Variants in CFAP58 observed in about 807,000 individuals in gnomAD.
CFAP58 encodes cilia- and flagella-associated protein 58.
A neutral mutation model predicts 119.5 loss-of-function variants in CFAP58; 88 were observed. The observed-to-expected ratio is 0.74, with a 90% CI of 0.62 to 0.88. CFAP58 has a LOEUF of 0.88. Ranked by LOEUF, CFAP58 falls within the 40% of genes least tolerant of loss-of-function variation. CFAP58 has a pLI of 0.00. For synonymous variants in CFAP58, 365 were observed against 366.3 expected (o/e 1.00, Z 0.04); for missense variants, 990 against 1,021.2 (o/e 0.97, Z 0.42).
intron 9 of CFAP58, among the ~76,000 whole-genome samples, chr10:104,385,097 G>A (rs1172795922): frequency 1.3e-5 from 2 of 152,102 alleles, no homozygotes; most frequent in African/African-American, 4.8e-5. Context: ...GCACAGGCAT[G>A]GGGTGGTGAG....
chr10:104,347,845 G>A, the CFAP58 span, among the ~76,000 whole-genome samples: 2 of 152,100 alleles, frequency 1.3e-5, no homozygotes, highest in South Asian at 4.1e-4. Flanking sequence ...ACAGGGCATC[G>A]GCCACCAAGG....
chr10:104,452,987 G>A (rs1432241385), intron 17 of CFAP58, among the ~76,000 whole-genome samples: 1 of 152,158 alleles, frequency 6.6e-6, no homozygotes, highest in East Asian at 1.9e-4. Flanking sequence ...TGCTGAGATG[G>A]TATAGACTGG....
At chr10:104,407,714 T>C (rs1238269105) in intron 15 of CFAP58, among the ~76,000 whole-genome samples, 1 of 152,208 alleles carries the variant, frequency 6.6e-6, no homozygotes. Context: ...TAATTAATTT[T>C]TTGAGACAGT....
At chr10:104,432,583 T>A in intron 15 of CFAP58, among the ~76,000 whole-genome samples, 3 of 152,032 alleles carry the variant, frequency 2.0e-5, no homozygotes, top group African/African-American at 7.2e-5. Context: ...GCCCACTACA[T>A]TCTCCGCCTC....
chr10:104,359,328 C>T (rs993739347), intron 2 of CFAP58, among the ~76,000 whole-genome samples: 4 of 152,126 alleles, frequency 2.6e-5, no homozygotes. Context: ...AGATACCATC[C>T]AGTTCAAATG....
chr10:104,443,513 C>T (rs1341301645), intron 15 of CFAP58, among the ~76,000 whole-genome samples: 1 of 152,218 alleles, frequency 6.6e-6, no homozygotes, highest in African/African-American at 2.4e-5. Flanking sequence ...TGAGCAGAAT[C>T]AATGCACTGG....
At chr10:104,391,467 A>G (rs2012038633) in intron 9 of CFAP58, among the ~76,000 whole-genome samples, 1 of 152,134 alleles carries the variant, frequency 6.6e-6, no homozygotes, top group Non-Finnish European at 1.5e-5. Context: ...ATTTAATCAG[A>G]TTTCTTCATG....
chr10:104,417,926 A>G (rs1472501537), intron 15 of CFAP58, among the ~76,000 whole-genome samples: 3 of 152,250 alleles, frequency 2.0e-5, no homozygotes, highest in Non-Finnish European at 4.4e-5. Context: ...TGGGTAAACT[A>G]TGGCCCACAG....
At chr10:104,357,968 C>CATATATGT (rs1320490810) in intron 1 of CFAP58, among the ~76,000 whole-genome samples, 1 of 104,604 alleles carries the variant, frequency 9.6e-6, no homozygotes, top group African/African-American at 6.4e-5. Context: ...CATATATGTA[C>CATATATGT]ACATATGTAC....
the CFAP58 span, among the ~76,000 whole-genome samples, chr10:104,342,331 G>A: frequency 6.6e-6 from 1 of 152,136 alleles, no homozygotes; most frequent in Non-Finnish European, 1.5e-5. Context: ...TAATCTCAAT[G>A]TTTTGATTTG....
At chr10:104,348,058 T>C in the CFAP58 span, among the ~76,000 whole-genome samples, 2 of 151,160 alleles carry the variant, frequency 1.3e-5, 1 homozygote, top group African/African-American at 4.9e-5. Flanking sequence ...ACTGGCTTCA[T>C]GTGGGTCAGG....
At chr10:104,454,062 T>A (rs2013237498) in intron 17 of CFAP58, among the ~76,000 whole-genome samples, 1 of 152,152 alleles carries the variant, frequency 6.6e-6, no homozygotes, top group Non-Finnish European at 1.5e-5. Context: ...GAATTAGTCA[T>A]TATAATTGAG....
At chr10:104,434,623 C>T (rs559332989) in intron 15 of CFAP58, among the ~76,000 whole-genome samples, 17 of 152,272 alleles carry the variant, frequency 1.1e-4, no homozygotes, top group Admixed American at 7.8e-4. Flanking sequence ...AGAGTCAGGG[C>T]GAGAAACTCA....
At chr10:104,450,804 C>A (rs1272092580) in intron 17 of CFAP58, among the ~76,000 whole-genome samples, 2 of 151,748 alleles carry the variant, frequency 1.3e-5, no homozygotes, top group African/African-American at 4.8e-5. Flanking sequence ...CTCAGCCTCC[C>A]AAAATGTTGA....
intron 1 of CFAP58, among the ~76,000 whole-genome samples, chr10:104,357,932 C>CACATATATGTACACATATAT (rs2014594929): frequency 9.3e-6 from 1 of 107,376 alleles, no homozygotes; most frequent in Admixed American, 8.3e-5. Flanking sequence ...TACACATATA[C>CACATATATGTACACATATAT]ACACATATAT....
intron 15 of CFAP58, among the ~76,000 whole-genome samples, chr10:104,421,657 G>A (rs992313022): frequency 2.6e-5 from 4 of 152,164 alleles, no homozygotes; most frequent in Admixed American, 6.5e-5. Flanking sequence ...TAGTGGATAC[G>A]ACTCTTGAAC....
intron 8 of CFAP58, among the ~76,000 whole-genome samples, chr10:104,377,428 C>T (rs914067): frequency 0.69 from 104,991 of 152,092 alleles, 37,872 homozygotes; most frequent in African/African-American, 0.92. Context: ...GGAGGGGTTA[C>T]GGCAGCTTGA....
chr10:104,349,183 G>A (rs571515843), upstream of CFAP58, among the ~76,000 whole-genome samples: 7 of 152,318 alleles, frequency 4.6e-5, no homozygotes, highest in South Asian at 1.4e-3. Flanking sequence ...GGGAGGCGGA[G>A]GTTGCAGTGA....
At chr10:104,402,383 A>G (rs1366894316) in intron 13 of CFAP58, among the ~76,000 whole-genome samples, 4 of 152,252 alleles carry the variant, frequency 2.6e-5, no homozygotes, top group East Asian at 1.9e-4. Context: ...AACATCATGC[A>G]GTTAATTCTA....
Sources: allele counts gnomAD v4.1 joint callset (sites outside exome capture counted in the v4.1 genomes callset), GRCh38; gene constraint gnomAD v4.1.1; transcripts MANE v1.5; gene names NCBI Gene and HGNC (gene_info 2026-07-23, HGNC 2026-07-21).